HORMAD1: variants seen among roughly 807,000 people sequenced by gnomAD.
The protein encoded by HORMAD1 is HORMA domain-containing protein 1.
Under a neutral mutation model 58.2 loss-of-function variants are expected in HORMAD1, and 33 were observed. The ratio of observed to expected loss-of-function variants is 0.57; its 90% CI spans 0.43 to 0.76. The LOEUF (loss-of-function observed/expected upper bound fraction) is 0.76. Among genes scored for constraint, HORMAD1 ranks in the 30% least tolerant of loss-of-function variants. The probability of loss-of-function intolerance (pLI) is 0.00; values close to 1 mark genes in which losing one functional copy is unlikely to be tolerated. For missense variants in HORMAD1, 363 were observed against 462.0 expected, an observed-to-expected ratio of 0.79 and a Z score of 1.96; for synonymous variants, 137 against 144.6, an observed-to-expected ratio of 0.95 and a Z score of 0.38.
At chr1:150,709,267 A>G (rs1651787430) in intron 7 of HORMAD1, among the ~76,000 whole-genome samples, 1 of 152,216 alleles carries the variant, frequency 6.6e-6, no homozygotes, top group Non-Finnish European at 1.5e-5. Context: ...TTTGAAAAAG[A>G]CTTGTACTTT....
chr1:150,700,301 A>C lies in HORMAD1; in HGVS notation c.1033-118T>G, dbSNP rs1004995205. On this transcript the variant is annotated intron_variant, in intron 13 of 14. Coordinates refer to ENST00000361824, the MANE Select transcript of HORMAD1 (RefSeq NM_032132.5). Reference sequence around the variant, plus strand: ...ATTTATTTATTTACTTTTTAGGGACAGGGTCTCCCTCTGTCACCCAGGCTG... The same window carrying C: ...ATTTATTTATTTACTTTTTAGGGACCGGGTCTCCCTCTGTCACCCAGGCTG... 1.3e-5 allele frequency: 8 copies of C among 608,812 alleles called. No homozygotes were observed. In the Admixed American group the frequency reaches 2.0e-4, roughly 16 times the overall value. 37.7% of individuals were successfully genotyped at this position (608,812 alleles called of 1,614,324 possible).
intron 10 of HORMAD1, among the ~76,000 whole-genome samples, 178 bp from the exon 11 acceptor site, chr1:150,704,521 G>A (rs1380523902): frequency 1.3e-5 from 2 of 152,124 alleles, no homozygotes; most frequent in African/African-American, 4.8e-5. Flanking sequence ...CATGGAGGGA[G>A]GATTGCTTGA....
At chr1:150,706,090 C>T (rs587739182) in intron 10 of HORMAD1, among the ~76,000 whole-genome samples, 1 of 152,320 alleles carries the variant, frequency 6.6e-6, no homozygotes, top group South Asian at 2.1e-4. Context: ...AGACACTTTT[C>T]CTGACTTCCA....
intron 1 of HORMAD1, 145 bp from the exon 2 acceptor site, chr1:150,719,683 C>T: frequency 2.1e-6 from 1 of 471,944 alleles, no homozygotes; most frequent in Non-Finnish European, 3.8e-6. Flanking sequence ...ACGTAGAGGT[C>T]GATATTGCAG....
intron 7 of HORMAD1, among the ~76,000 whole-genome samples, chr1:150,710,265 A>G (rs1369491420): frequency 6.6e-6 from 1 of 152,138 alleles, no homozygotes; most frequent in Non-Finnish European, 1.5e-5. Context: ...AAGGGAGGCA[A>G]CATACCTCAG....
intron 9 of HORMAD1, among the ~76,000 whole-genome samples, 176 bp downstream of exon 9, chr1:150,708,080 A>G (rs1211516603): frequency 1.3e-5 from 2 of 152,234 alleles, no homozygotes; most frequent in Non-Finnish European, 2.9e-5. Context: ...TCACTAGAGA[A>G]GCATCTATTT....
intron 5 of HORMAD1, among the ~76,000 whole-genome samples, chr1:150,712,532 G>A (rs990038126): frequency 7.9e-5 from 12 of 152,194 alleles, no homozygotes; most frequent in African/African-American, 1.2e-4. Flanking sequence ...TATTCTCTAA[G>A]TTGTAGGCAA....
At chr1:150,705,686 T>A (rs1465390587) in intron 10 of HORMAD1, among the ~76,000 whole-genome samples, 2 of 152,218 alleles carry the variant, frequency 1.3e-5, no homozygotes, top group Admixed American at 1.3e-4. Flanking sequence ...TAAAGAATGC[T>A]ACAAACACCT....
intron 3 of HORMAD1, 133 bp from the exon 4 acceptor site, chr1:150,714,811 G>A (rs1053664534): frequency 3.7e-5 from 15 of 402,302 alleles, no homozygotes; most frequent in South Asian, 3.3e-4. Context: ...TTTGAGACAG[G>A]GTCTCACTCT....
intron 5 of HORMAD1, among the ~76,000 whole-genome samples, chr1:150,713,221 T>G (rs912006787): frequency 1.3e-5 from 2 of 152,206 alleles, no homozygotes; most frequent in African/African-American, 4.8e-5. Flanking sequence ...CTAAAAATTT[T>G]AATGGCAATT....
rs587655162 is a variant in HORMAD1 at position 150,717,846 on chromosome 1, C to T, written c.34-564G>A. Among the ~76,000 whole-genome samples, 7 of 152,198 alleles carry T rather than the reference C, an allele frequency of 4.6e-5. No individual in the cohort carries two copies. The South Asian group carries it at 1.5e-3, about 32-fold the overall frequency. On this transcript the variant is annotated intron_variant, in intron 2 of 14. Transcript: ENST00000361824. Reference sequence around the variant, plus strand: ...TCTTGTAATCCCAGCACTTGGGAGGCTGAGGCAGGGAATTGCTTGAGCCCA... The same window carrying T: ...TCTTGTAATCCCAGCACTTGGGAGGTTGAGGCAGGGAATTGCTTGAGCCCA...
chr1:150,707,143 G>A (rs1651720859), intron 9 of HORMAD1, among the ~76,000 whole-genome samples: 1 of 152,090 alleles, frequency 6.6e-6, no homozygotes. Context: ...GAAGAGAACT[G>A]GCACATAGTA....
intron 3 of HORMAD1, 23 bp downstream of exon 3, chr1:150,717,115 C>A: frequency 7.0e-7 from 1 of 1,430,664 alleles, no homozygotes; most frequent in Non-Finnish European, 9.5e-7. Flanking sequence ...TAAAAGAAAG[C>A]TTTAAAATAA....
At chr1:150,707,449 A>G (rs1234118801) in intron 9 of HORMAD1, among the ~76,000 whole-genome samples, 4 of 152,304 alleles carry the variant, frequency 2.6e-5, no homozygotes, top group African/African-American at 9.6e-5. Flanking sequence ...AGTTGTTTCC[A>G]GTTTGTTCCT....
chr1:150,708,500 A>G (rs1651765739), intron 8 of HORMAD1, 93 bp from the exon 9 acceptor site: 2 of 800,530 alleles, frequency 2.5e-6, no homozygotes, highest in African/African-American at 1.8e-5. Flanking sequence ...TCTTATTTCT[A>G]TTATAGCATT....
chr1:150,718,511 G>A (rs991010055), intron 2 of HORMAD1, among the ~76,000 whole-genome samples: 1 of 151,996 alleles, frequency 6.6e-6, no homozygotes, highest in Non-Finnish European at 1.5e-5. Context: ...CATAACACAT[G>A]GATAGATTAC....
At chr1:150,698,887 G>A (rs952428306) in intron 14 of HORMAD1, 153 bp from the exon 15 acceptor site, 21 of 488,818 alleles carry the variant, frequency 4.3e-5, no homozygotes, top group Middle Eastern at 5.3e-4. Context: ...CTTAAAAGTA[G>A]AGTAAAATTT....
intron 13 of HORMAD1, chr1:150,702,103 A>C (rs908750491): frequency 6.6e-6 from 1 of 152,252 alleles, no homozygotes; most frequent in Non-Finnish European, 1.5e-5. Context: ...CCCATTAAAA[A>C]GTGGGTAAAG....
chr1:150,703,521 T>A (rs1321357999), intron 12 of HORMAD1, 128 bp from the exon 13 acceptor site: 1 of 582,744 alleles, frequency 1.7e-6, no homozygotes, highest in East Asian at 3.0e-5. Context: ...CCAATAATTT[T>A]GAGTTGGTTC....
Sources: gnomAD v4.1 joint callset for allele counts (sites outside exome capture counted in the v4.1 genomes callset) on GRCh38, gnomAD v4.1.1 for gene constraint, MANE v1.5 for transcripts, NCBI Gene and HGNC (gene_info 2026-07-23, HGNC 2026-07-21) for gene names.